The following CFLAR variants were observed in gnomAD, a reference collection of about 807,000 sequenced individuals.
CFLAR encodes the protein CASP8 and FADD like apoptosis regulator.
In CFLAR, 14 loss-of-function variants were observed where a neutral mutation model predicts 51.1. The observed-to-expected ratio is 0.27, with a 90% CI of 0.18 to 0.43. The LOEUF (loss-of-function observed/expected upper bound fraction) is 0.43, where lower values mean the gene tolerates loss of function less well. CFLAR is among the 20% of genes least tolerant of loss of function. The pLI is 1.00. For missense variants in CFLAR, 390 were observed against 566.5 expected (o/e 0.69, Z 3.16); for synonymous variants, 210 against 211.6 (o/e 0.99, Z 0.06).
rs1006846870 is a variant in CFLAR at position 201,168,105 on chromosome 2, T to A, written c.*4132T>A. The A allele has an allele frequency of 3.3e-5, 5 of 152,088 alleles. No homozygotes were observed. The highest frequency in any genetic ancestry group is 1.2e-4 in the African/African-American group (5 of 41,398). The allele number at this position is 152,088 out of a possible 1,614,324, so 9.4% of individuals were successfully genotyped here. On this transcript the variant is annotated 3_prime_UTR_variant, in exon 10 of 10. Transcript: ENST00000309955. ...AAAATACAAAAAATTAGCCAGGCGT[T>A]GTGGCGGTCGCCTGTAGTCCCTGCT...
intron 3 of CFLAR, among the ~76,000 whole-genome samples, chr2:201,133,928 CAAA>C (rs1267307823): frequency 0.26 from 12,404 of 47,898 alleles, 301 homozygotes; most frequent in African/African-American, 0.36. Context: ...GACTCCATCT[CAAA>C]AAAAAAAAAA....
rs559086042 is a variant in CFLAR at position 201,152,292 on chromosome 2, G to A, written c.793+2457G>A. Among the ~76,000 whole-genome samples the A allele has an allele frequency of 2.8e-3, 424 of 152,094 alleles. 1 individual carries two copies. Among genetic ancestry groups the A allele is most frequent in the African/African-American group, 9.4e-3 (389 of 41,488 alleles). On this transcript the variant is annotated intron_variant, in intron 8 of 9. Coordinates refer to ENST00000309955, the MANE Select transcript of CFLAR (RefSeq NM_003879.7). ...ATTACAGGCATGAGCCACCACGCTCGGCTTCTAATTTTTTTTAATTTAAAT... is the reference window on the plus strand; with the variant it reads ...ATTACAGGCATGAGCCACCACGCTCAGCTTCTAATTTTTTTTAATTTAAAT...
chr2:201,147,551 T>C (rs978627949), intron 6 of CFLAR, among the ~76,000 whole-genome samples: 4 of 144,798 alleles, frequency 2.8e-5, no homozygotes, highest in African/African-American at 1.0e-4. Flanking sequence ...AGCTTTCTAA[T>C]AACTTGGGCT....
At chr2:201,127,891 G>T (rs1361066392) in intron 1 of CFLAR, among the ~76,000 whole-genome samples, 1 of 152,124 alleles carries the variant, frequency 6.6e-6, no homozygotes, top group East Asian at 1.9e-4. Context: ...GTGATGGTTG[G>T]AAGAAACAAA....
chr2:201,159,500 G>A (rs1197719583), intron 8 of CFLAR, among the ~76,000 whole-genome samples: 1 of 151,846 alleles, frequency 6.6e-6, no homozygotes, highest in Non-Finnish European at 1.5e-5. Flanking sequence ...AGTAGAGACA[G>A]GGTTTCGCCA....
At chr2:201,162,028 A>G (rs1416153198) in intron 9 of CFLAR, among the ~76,000 whole-genome samples, 1 of 152,022 alleles carries the variant, frequency 6.6e-6, no homozygotes, top group Non-Finnish European at 1.5e-5. Flanking sequence ...GATTACAGGC[A>G]TGAGCCACCA....
intron 1 of CFLAR, among the ~76,000 whole-genome samples, chr2:201,128,508 C>T (rs2048926931): frequency 6.6e-6 from 1 of 152,064 alleles, no homozygotes; most frequent in Admixed American, 6.6e-5. Flanking sequence ...CTAATTTTTC[C>T]TCTTGTTTTC....
rs528357305 is a variant in CFLAR at position 201,165,835 on chromosome 2, T to C, written c.*1862T>C. On this transcript the variant is annotated 3_prime_UTR_variant, in exon 10 of 10. Coordinates refer to ENST00000309955, the MANE Select transcript of CFLAR (RefSeq NM_003879.7). ...CTGTTTAACAAAGCACATCTTGCAC[T>C]GCCCTTAATCCATTTAACCCTGAGT... The C allele has an allele frequency of 3.5e-4, 59 of 170,542 alleles. 1 individual carries two copies. The highest frequency in any genetic ancestry group is 7.2e-4 in the African/African-American group (30 of 41,748). 10.6% of individuals were successfully genotyped at this position (170,542 alleles called of 1,614,324 possible).
At chr2:201,142,658 G>A (rs1353291314) in intron 5 of CFLAR, 1 of 153,208 alleles carries the variant, frequency 6.5e-6, no homozygotes, top group Non-Finnish European at 1.5e-5. Context: ...GGAGTGCAAT[G>A]GCGCGATCTT....
At chr2:201,119,435 A>G (rs1296330692) in intron 1 of CFLAR, among the ~76,000 whole-genome samples, 1 of 152,108 alleles carries the variant, frequency 6.6e-6, no homozygotes, top group Non-Finnish European at 1.5e-5. Flanking sequence ...CAGTTATGAC[A>G]CCATGGGTTC....
chr2:201,149,028 G>A lies in CFLAR; in HGVS notation c.687G>A (p.Gln229=), dbSNP rs775141211. Residue 229 remains glutamine (Q), a synonymous_variant, in exon 7 of 10, where the codon CAG becomes CAA. Transcript: ENST00000309955. ...AAGAACCAGTGAAGAAATCCATTCA[G>A]GAATCAGAAGCTTTTTTGCCTCAGG... ...AQQEPVKKSI[Q]ESEAFLPQSI... 9.9e-6 allele frequency: 16 copies of A among 1,612,238 alleles called. No homozygotes were observed. The Admixed American group carries it at 2.2e-4, about 22-fold the overall frequency.
chr2:201,136,166 T>G (rs745884012), intron 4 of CFLAR, 59 bp downstream of exon 4: 7 of 1,612,588 alleles, frequency 4.3e-6, no homozygotes, highest in Non-Finnish European at 4.2e-6. Flanking sequence ...GGGGTGGGCA[T>G]CATGACTGAT....
In CFLAR at chr2:201,135,969, T is replaced by C. The variant is rs1559195891; in HGVS notation, c.388-3T>C. The C allele has an allele frequency of 3.1e-6, 5 of 1,604,978 alleles. No homozygotes were observed. Among genetic ancestry groups the C allele is most frequent in the African/African-American group, 2.7e-5 (2 of 74,030 alleles). ...ATTTGTTTTTTGTTGGTGGTTCTCT[T>C]AGAGTTTCTTGGACCTTGTGGTTGA... On this transcript the variant is annotated splice_region_variant and splice_polypyrimidine_tract_variant and intron_variant, in intron 3 of 9. Coordinates refer to ENST00000309955, the MANE Select transcript of CFLAR (RefSeq NM_003879.7).
rs1277292976 is a variant in CFLAR at position 201,174,019 on chromosome 2, G to A, written c.*10046G>A. 6.6e-6 allele frequency: 1 copy of A among 152,098 alleles called. No individual in the cohort carries two copies. Among genetic ancestry groups the A allele is most frequent in the African/African-American group, 2.4e-5 (1 of 41,426 alleles). The allele number at this position is 152,098 out of a possible 1,614,324, so 9.4% of individuals were successfully genotyped here. A position where few individuals can be genotyped will look rare whatever the true frequency, so the allele number is the denominator to read the frequency against. Reference sequence around the variant, plus strand: ...TGTAAGCATTCTTTTTAATATTCTGGATACTAGTTTCTTATCAGGTACAAT... The same window carrying A: ...TGTAAGCATTCTTTTTAATATTCTGAATACTAGTTTCTTATCAGGTACAAT... On this transcript the variant is annotated 3_prime_UTR_variant, in exon 10 of 10. Coordinates refer to ENST00000309955, the MANE Select transcript of CFLAR (RefSeq NM_003879.7).
At chr2:201,149,084 A>C (rs761254258) in intron 7 of CFLAR, 32 bp downstream of exon 7, 1 of 1,451,574 alleles carries the variant, frequency 6.9e-7, no homozygotes, top group Admixed American at 1.7e-5. Flanking sequence ...TTGGTATTAT[A>C]TGTACATAGC....
chr2:201,138,852 G>T lies in CFLAR; in HGVS notation c.524-1505G>T. On this transcript the variant is annotated intron_variant, in intron 4 of 9. Coordinates refer to ENST00000309955, the MANE Select transcript of CFLAR (RefSeq NM_003879.7). The surrounding 1 kb of genome is among the most constrained non-coding windows in gnomAD (Gnocchi z 4.0). ...GTCGGCCTCTGTCACAGTGTCCATG[G>T]GGGAGGAGATCAGCGGCGTCTTCAG... The T allele has an allele frequency of 1.4e-6, 1 of 729,588 alleles. No homozygotes were observed. 45.2% of individuals were successfully genotyped at this position (729,588 alleles called of 1,614,324 possible). A position where few individuals can be genotyped will look rare whatever the true frequency, so the allele number is the denominator to read the frequency against.
chr2:201,160,908 C>T lies in CFLAR; in HGVS notation c.1270C>T (p.Leu424=). The T allele has an allele frequency of 1.2e-6, 2 of 1,612,722 alleles. No homozygotes were observed. Among genetic ancestry groups the T allele is most frequent in the South Asian group, 1.1e-5 (1 of 91,054 alleles). Residue 424 remains leucine, a synonymous_variant, in exon 9 of 10, where the codon CTG becomes TTG. Transcript: ENST00000309955. ...EQSHSSPSLY[L]QCLSQKLRQE... is the part of the protein sequence containing the mutation. ...GTCTCACAGCTCACCATCCCTGTAC[C>T]TGCAGTGCCTCTCCCAGAAACTGAG...
At chr2:201,137,714 G>A in intron 4 of CFLAR, 1 of 775,326 alleles carries the variant, frequency 1.3e-6, no homozygotes, top group Non-Finnish European at 2.3e-6. Flanking sequence ...TGGACCCTTT[G>A]TCCTGGATGG....
chr2:201,160,993 C>T, intron 9 of CFLAR, 51 bp downstream of exon 9: 1 of 1,361,922 alleles, frequency 7.3e-7, no homozygotes, highest in East Asian at 2.3e-5. Flanking sequence ...ATTTTCGTGC[C>T]ACCAGGATGG....
Sources: gnomAD v4.1 joint callset for allele counts (sites outside exome capture counted in the v4.1 genomes callset) on GRCh38, gnomAD v4.1.1 for gene constraint, Gnocchi (gnomAD v3.1) non-coding constraint, MANE v1.5 for transcripts, NCBI Gene and HGNC (gene_info 2026-07-23, HGNC 2026-07-21) for gene names.